Variants in METTL15 observed in about 807,000 individuals in gnomAD.
The protein encoded by METTL15 is 12S rRNA N(4)-cytidine methyltransferase METTL15.
In METTL15, 34 loss-of-function variants were observed where a neutral mutation model predicts 38.3. The observed-to-expected ratio is 0.89, with a 90% CI of 0.68 to 1.18. The LOEUF (loss-of-function observed/expected upper bound fraction) is 1.18. METTL15 is among the 50% of genes most tolerant of loss of function. The pLI is 0.00. For missense variants in METTL15, 438 were observed against 498.4 expected (o/e 0.88, Z 1.15); for synonymous variants, 162 against 170.9 (o/e 0.95, Z 0.41).
intron 6 of METTL15, among the ~76,000 whole-genome samples, chr11:28,429,503 G>A (rs1462098811): frequency 1.9e-4 from 24 of 129,522 alleles, no homozygotes; most frequent in Admixed American, 1.6e-3. Context: ...GAGTGCCTGC[G>A]ATTGCAGGCA....
chr11:28,179,188 C>T (rs528556559), intron 3 of METTL15, among the ~76,000 whole-genome samples: 84 of 151,866 alleles, frequency 5.5e-4, no homozygotes, highest in Middle Eastern at 3.4e-3. Context: ...CGTTTAATAT[C>T]GTCACTGATC....
At chr11:28,225,574 G>A (rs1386429273) in intron 4 of METTL15, among the ~76,000 whole-genome samples, 1 of 151,182 alleles carries the variant, frequency 6.6e-6, no homozygotes, top group Non-Finnish European at 1.5e-5. Context: ...CTGTTTCTTG[G>A]AAATCTATTT....
chr11:28,431,340 C>T (rs1039716488), intron 6 of METTL15, among the ~76,000 whole-genome samples: 5 of 134,026 alleles, frequency 3.7e-5, no homozygotes, highest in African/African-American at 8.0e-5. Context: ...AATAGAAAGG[C>T]GGGAAAGGTG....
At chr11:28,340,800 A>T (rs1849944887) in intron 3 of METTL15, among the ~76,000 whole-genome samples, 1 of 152,192 alleles carries the variant, frequency 6.6e-6, no homozygotes, top group Admixed American at 6.5e-5. Context: ...ATACCATTTG[A>T]CCCAGCAATC....
At chr11:28,362,184 T>C (rs1850145257) in intron 5 of METTL15, 1 of 152,054 alleles carries the variant, frequency 6.6e-6, no homozygotes, top group Middle Eastern at 3.2e-3. Context: ...AGACAAATAA[T>C]TACACAATTG....
chr11:28,130,279 C>G (rs1459361357), intron 3 of METTL15, among the ~76,000 whole-genome samples: 14 of 152,096 alleles, frequency 9.2e-5, no homozygotes, highest in Admixed American at 9.2e-4. Context: ...CCACTGCACT[C>G]CAGCCTGGGT....
chr11:28,358,023 G>A (rs555839429), intron 4 of METTL15, among the ~76,000 whole-genome samples: 27 of 152,204 alleles, frequency 1.8e-4, no homozygotes, highest in African/African-American at 6.3e-4. Flanking sequence ...GTTTAAATCT[G>A]TGGTTATTAA....
chr11:28,170,393 C>A (rs1850814003), intron 3 of METTL15, among the ~76,000 whole-genome samples: 1 of 151,910 alleles, frequency 6.6e-6, no homozygotes, highest in African/African-American at 2.4e-5. Context: ...CAATCCAGAC[C>A]CCAAGAGAGG....
Position 28,157,944 on chromosome 11 carries a change from T to C in METTL15, c.270+44340T>C, listed in dbSNP as rs560747490. On this transcript the variant is annotated intron_variant, in intron 3 of 6. Coordinates refer to ENST00000407364, the MANE Select transcript of METTL15 (RefSeq NM_001113528.2). ...CAGCTGCAGCACTACAGCCCTTTTC[T>C]AGGACACCCCTGAAGGACGGCGGTG... 1.7e-3 allele frequency among the ~76,000 whole-genome samples: 261 copies of C among 152,262 alleles called. 1 individual carries two copies. Among genetic ancestry groups the C allele is most frequent in the Admixed American group, 3.5e-3 (53 of 15,296 alleles).
chr11:28,372,890 A>G (rs1378461166), intron 5 of METTL15, among the ~76,000 whole-genome samples: 2 of 148,008 alleles, frequency 1.4e-5, no homozygotes, highest in Admixed American at 1.4e-4. Flanking sequence ...TGTTCTTGCG[A>G]TAGTTTACTG....
intron 3 of METTL15, among the ~76,000 whole-genome samples, chr11:28,150,572 T>TG (rs1397613767): frequency 6.6e-6 from 1 of 151,800 alleles, no homozygotes; most frequent in African/African-American, 2.4e-5. Flanking sequence ...AACTTTAAAA[T>TG]GGGGGTGATT....
intron 5 of METTL15, among the ~76,000 whole-genome samples, chr11:28,388,955 G>C (rs11512180): frequency 0.42 from 64,188 of 151,788 alleles, 14,972 homozygotes; most frequent in Admixed American, 0.54. Context: ...CCTTGTGATA[G>C]TTTGCTGAGA....
intron 3 of METTL15, among the ~76,000 whole-genome samples, chr11:28,188,716 A>G (rs1426639496): frequency 1.3e-5 from 2 of 151,086 alleles, no homozygotes; most frequent in African/African-American, 4.8e-5. Context: ...ATTTAGCTAA[A>G]CCATACCTTT....
chr11:28,320,366 C>T (rs1849423540), intron 6 of METTL15, among the ~76,000 whole-genome samples: 1 of 151,456 alleles, frequency 6.6e-6, no homozygotes, highest in Non-Finnish European at 1.5e-5. Context: ...CAAGACCAGC[C>T]TAGGCAACGT....
At chr11:28,377,433 T>A (rs1850329648) in intron 5 of METTL15, among the ~76,000 whole-genome samples, 1 of 152,188 alleles carries the variant, frequency 6.6e-6, no homozygotes, top group South Asian at 2.1e-4. Flanking sequence ...TGATACCCTT[T>A]CTTCCAGTTG....
chr11:28,288,999 G>A (rs1350801890), intron 4 of METTL15, among the ~76,000 whole-genome samples: 1 of 152,078 alleles, frequency 6.6e-6, no homozygotes, highest in Non-Finnish European at 1.5e-5. Flanking sequence ...CAGTGATGTT[G>A]TATTGGGGAA....
intron 4 of METTL15, among the ~76,000 whole-genome samples, chr11:28,238,523 A>T (rs1854131935): frequency 6.6e-6 from 1 of 152,098 alleles, no homozygotes; most frequent in Admixed American, 6.5e-5. Context: ...CCTTTCCTTG[A>T]CCAGGAAAGG....
At chr11:28,455,553 C>T (rs75062843) in intron 6 of METTL15, among the ~76,000 whole-genome samples, 3,815 of 152,214 alleles carry the variant, frequency 0.025, 159 homozygotes, top group African/African-American at 0.087. Flanking sequence ...TTACCCACTT[C>T]CAGCGTGGCA....
chr11:28,161,876 T>A (rs184460124), intron 3 of METTL15, among the ~76,000 whole-genome samples: 2 of 152,130 alleles, frequency 1.3e-5, no homozygotes, highest in African/African-American at 4.8e-5. Flanking sequence ...CAGATAAGGT[T>A]ATGTCAACAA....
Sources: allele counts gnomAD v4.1 joint callset (sites outside exome capture counted in the v4.1 genomes callset), GRCh38; gene constraint gnomAD v4.1.1; transcripts MANE v1.5; gene names NCBI Gene and HGNC (gene_info 2026-07-23, HGNC 2026-07-21).